The following FMO2 variants were observed in gnomAD, a reference collection of about 807,000 sequenced individuals.
The protein encoded by FMO2 is flavin containing dimethylaniline monoxygenase 2.
Under a neutral mutation model 41.6 loss-of-function variants are expected in FMO2, and 33 were observed. That is an observed-to-expected ratio of 0.79 (90% CI 0.60 to 1.06). The LOEUF (loss-of-function observed/expected upper bound fraction) is 1.06, where lower values mean the gene tolerates loss of function less well. Ranked by LOEUF, FMO2 falls within the 50% of genes least tolerant of loss-of-function variation. The probability of loss-of-function intolerance (pLI) is 0.00; values close to 1 mark genes in which losing one functional copy is unlikely to be tolerated. For missense variants in FMO2, 619 were observed against 632.9 expected, an observed-to-expected ratio of 0.98 and a Z score of 0.23; for synonymous variants, 214 against 219.6, an observed-to-expected ratio of 0.97 and a Z score of 0.23.
At chr1:171,193,733 TGTTAAA>T (rs1477184626) in intron 3 of FMO2, among the ~76,000 whole-genome samples, 1 of 152,072 alleles carries the variant, frequency 6.6e-6, no homozygotes, top group Non-Finnish European at 1.5e-5. Flanking sequence ...GAAAATCATC[TGTTAAA>T]GTTAAAGGTT....
chr1:171,189,168 T>C (rs1342028994), intron 2 of FMO2, among the ~76,000 whole-genome samples: 5 of 152,154 alleles, frequency 3.3e-5, no homozygotes, highest in Admixed American at 2.0e-4. Flanking sequence ...CTGTTTCCTT[T>C]ATTGTTCCTA....
At position 171,210,441 on chromosome 1, in the gene FMO2, T is replaced by G. The variant is rs186886674; in HGVS notation, c.*1296T>G. 6.6e-6 allele frequency: 1 copy of G among 152,240 alleles called. No individual in the cohort carries two copies. Among genetic ancestry groups the G allele is most frequent in the Admixed American group, 6.5e-5 (1 of 15,278 alleles). The allele number at this position is 152,240 out of a possible 1,614,324, so 9.4% of individuals were successfully genotyped here. A position where few individuals can be genotyped will look rare whatever the true frequency, so the allele number is the denominator to read the frequency against. ...TGGTAAAAGGAAGTATACTGGTCTG[T>G]TAGCAGAGACAAACTTTTTTTAGAA... On this transcript the variant is annotated 3_prime_UTR_variant, in exon 9 of 9. Coordinates refer to ENST00000209929, the MANE Select transcript of FMO2 (RefSeq NM_001460.5).
chr1:171,207,548 G>A (rs868534096), intron 7 of FMO2, 170 bp from the exon 8 acceptor site: 7 of 593,552 alleles, frequency 1.2e-5, no homozygotes, highest in Middle Eastern at 4.6e-4. Flanking sequence ...ACCCTGGACA[G>A]TGTCACATAG....
At chr1:171,202,369 C>G (rs1658571617) in intron 5 of FMO2, among the ~76,000 whole-genome samples, 1 of 152,114 alleles carries the variant, frequency 6.6e-6, no homozygotes, top group South Asian at 2.1e-4. Flanking sequence ...ATACCACACA[C>G]AGACCAGCAA....
At chr1:171,188,340 CACTAGAAAA>C (rs1385935408) in intron 2 of FMO2, among the ~76,000 whole-genome samples, 1 of 152,130 alleles carries the variant, frequency 6.6e-6, no homozygotes, top group East Asian at 1.9e-4. Flanking sequence ...ACTTCCTATT[CACTAGAAAA>C]ACTGGATTAA....
chr1:171,202,683 TG>T (rs1244017221), intron 5 of FMO2, among the ~76,000 whole-genome samples: 1 of 152,196 alleles, frequency 6.6e-6, no homozygotes, highest in Non-Finnish European at 1.5e-5. Flanking sequence ...AATTCAACCA[TG>T]GCAACACAGA....
intron 2 of FMO2, among the ~76,000 whole-genome samples, chr1:171,186,994 GA>G (rs1657879892): frequency 1.3e-5 from 2 of 152,210 alleles, no homozygotes; most frequent in South Asian, 4.1e-4. Context: ...CGGACTCATA[GA>G]GTTCAATAAA....
Position 171,212,241 on chromosome 1 carries a change from T to C in FMO2, c.*3096T>C, listed in dbSNP as rs1175201132. Among the ~76,000 whole-genome samples the C allele has an allele frequency of 6.6e-6, 1 of 152,220 alleles. No individual in the cohort carries two copies. The highest frequency in any genetic ancestry group is 6.5e-5 in the Admixed American group (1 of 15,284). Reference sequence around the variant, plus strand: ...CATTATCTCAGGAGTGTGTTGGTTATAAAAGCAAGTTTGGCTCCCTCTTTT... The same window carrying C: ...CATTATCTCAGGAGTGTGTTGGTTACAAAAGCAAGTTTGGCTCCCTCTTTT... On this transcript the variant is annotated 3_prime_UTR_variant, in exon 9 of 9. Transcript: ENST00000209929.
chr1:171,204,969 A>T (rs897100290), intron 6 of FMO2, among the ~76,000 whole-genome samples: 1 of 152,202 alleles, frequency 6.6e-6, no homozygotes, highest in Non-Finnish European at 1.5e-5. Context: ...ATGGTATAAT[A>T]ACCACCATAA....
intron 2 of FMO2, among the ~76,000 whole-genome samples, chr1:171,187,627 CAAAAAAAA>C (rs765479366): frequency 2.4e-5 from 2 of 82,616 alleles, no homozygotes; most frequent in Non-Finnish European, 5.2e-5. Context: ...AACCTGCCAC[CAAAAAAAA>C]AAAAAAAAAA....
intron 3 of FMO2, among the ~76,000 whole-genome samples, 154 bp downstream of exon 3, chr1:171,193,677 G>A (rs1424935874): frequency 6.6e-6 from 1 of 151,970 alleles, no homozygotes; most frequent in Non-Finnish European, 1.5e-5. Flanking sequence ...CCAAAAAGTA[G>A]TGTCATTACC....
chr1:171,202,049 C>T (rs1243501635), intron 5 of FMO2, among the ~76,000 whole-genome samples: 1 of 152,118 alleles, frequency 6.6e-6, no homozygotes, highest in Admixed American at 6.6e-5. Context: ...AATCTCTGGC[C>T]TTTGACCTAA....
At chr1:171,205,661 A>C in intron 7 of FMO2, 27 bp downstream of exon 7, 1 of 1,439,536 alleles carries the variant, frequency 6.9e-7, no homozygotes, top group Non-Finnish European at 9.5e-7. Context: ...GTGAGTGGCT[A>C]AGCGTTTCAG....
chr1:171,211,151 C>A lies in FMO2; in HGVS notation c.*2006C>A, dbSNP rs910209991. On this transcript the variant is annotated 3_prime_UTR_variant, in exon 9 of 9. Transcript: ENST00000209929. ...AATAAAATTTATCAAGCCTTTATAG[C>A]AAGGGTCAGTGAATTACCACTGCCT... is the stretch of plus-strand genomic sequence containing the variant. 6.6e-6 allele frequency: 1 copy of A among 152,146 alleles called. No individual in the cohort carries two copies. Among genetic ancestry groups the A allele is most frequent in the Non-Finnish European group, 1.5e-5 (1 of 68,026 alleles). 9.4% of individuals were successfully genotyped at this position (152,146 alleles called of 1,614,324 possible).
intron 2 of FMO2, among the ~76,000 whole-genome samples, chr1:171,192,059 T>G (rs1049591749): frequency 9.9e-5 from 15 of 151,980 alleles, no homozygotes; most frequent in Non-Finnish European, 4.4e-5. Context: ...TAATCTGGTC[T>G]TGAGAAAAAA....
chr1:171,192,813 C>A (rs1658140378), intron 2 of FMO2, among the ~76,000 whole-genome samples: 1 of 151,572 alleles, frequency 6.6e-6, no homozygotes, highest in Non-Finnish European at 1.5e-5. Context: ...GTCTACTCAC[C>A]TTTATAGCTT....
chr1:171,196,890 T>C, intron 4 of FMO2, 79 bp downstream of exon 4: 1 of 1,314,344 alleles, frequency 7.6e-7, no homozygotes, highest in Non-Finnish European at 1.1e-6. Flanking sequence ...ACAAGCAGGA[T>C]TCATTGCTGC....
chr1:171,207,758 C>T lies in FMO2; in HGVS notation c.1224C>T (p.Asp408=). The part of the protein sequence containing the change: ...SLPSERTMMM[D]IIKRNEKRID... The stretch of plus-strand genomic sequence containing the variant: ...CCTCAGAGAGAACTATGATGATGGA[C>T]ATTATCAAAAGGAATGAAAAAAGAA... Residue 408 remains aspartate (D), a synonymous_variant, in exon 8 of 9, where the codon GAC becomes GAT. Coordinates refer to ENST00000209929, the MANE Select transcript of FMO2 (RefSeq NM_001460.5). The T allele has an allele frequency of 6.2e-7, 1 of 1,609,472 alleles. No individual in the cohort carries two copies. Among genetic ancestry groups the T allele is most frequent in the Non-Finnish European group, 8.5e-7 (1 of 1,176,470 alleles).
intron 1 of FMO2, 98 bp downstream of exon 1, chr1:171,185,457 GC>G (rs1382082163): frequency 2.9e-6 from 1 of 347,888 alleles, no homozygotes; most frequent in African/African-American, 2.1e-5. Context: ...GCATAGTCTG[GC>G]TTTGTTCAAT....
Sources: gnomAD v4.1 joint callset for allele counts (sites outside exome capture counted in the v4.1 genomes callset) on GRCh38, gnomAD v4.1.1 for gene constraint, MANE v1.5 for transcripts, NCBI Gene and HGNC (gene_info 2026-07-23, HGNC 2026-07-21) for gene names.